The following GRID2 variants were observed in gnomAD, a reference collection of about 807,000 sequenced individuals.
GRID2 encodes the protein glutamate receptor ionotropic, delta-2.
In GRID2, 33 loss-of-function variants were observed where a neutral mutation model predicts 114.8. The observed-to-expected ratio is 0.29, with a 90% confidence interval of 0.22 to 0.38. The LOEUF (loss-of-function observed/expected upper bound fraction) is 0.38. Ranked by LOEUF, GRID2 falls within the 10% of genes least tolerant of loss-of-function variation. The pLI, the probability that GRID2 is intolerant of heterozygous loss-of-function variation, is 1.00. For missense variants in GRID2, 1,184 were observed against 1,257.7 expected, an observed-to-expected ratio of 0.94 and a Z score of 0.89; for synonymous variants, 505 against 449.9, an observed-to-expected ratio of 1.12 and a Z score of -1.55.
chr4:92,451,823 A>C (rs931487314), intron 1 of GRID2, among the ~76,000 whole-genome samples: 3 of 152,194 alleles, frequency 2.0e-5, no homozygotes, highest in Non-Finnish European at 4.4e-5. Context: ...CAAATATCAA[A>C]AGAGCCTAAG....
chr4:93,235,403 T>A (rs969915981), intron 7 of GRID2, among the ~76,000 whole-genome samples: 1 of 152,124 alleles, frequency 6.6e-6, no homozygotes, highest in Non-Finnish European at 1.5e-5. Flanking sequence ...AATACCACCA[T>A]GCATGCACAA....
chr4:93,765,430 C>T (rs1733567517), intron 14 of GRID2, among the ~76,000 whole-genome samples: 1 of 151,958 alleles, frequency 6.6e-6, no homozygotes, highest in Non-Finnish European at 1.5e-5. Flanking sequence ...ATAAAATAAA[C>T]AATACAAAGA....
At chr4:92,691,405 G>A (rs1458465898) in intron 2 of GRID2, among the ~76,000 whole-genome samples, 1 of 152,018 alleles carries the variant, frequency 6.6e-6, no homozygotes, top group African/African-American at 2.4e-5. Flanking sequence ...TGGGCAAGGG[G>A]AACCTTAGGG....
At chr4:92,486,913 G>A (rs1202525646) in intron 1 of GRID2, among the ~76,000 whole-genome samples, 1 of 151,840 alleles carries the variant, frequency 6.6e-6, no homozygotes, top group African/African-American at 2.4e-5. Flanking sequence ...TAACCCAAAG[G>A]AACGTTTAAT....
intron 2 of GRID2, among the ~76,000 whole-genome samples, chr4:92,832,506 G>C (rs955571120): frequency 1.3e-5 from 2 of 151,498 alleles, no homozygotes; most frequent in African/African-American, 4.8e-5. Context: ...CTATTCTTCT[G>C]CCTCAGCCTC....
At chr4:92,920,599 A>G (rs1012468664) in intron 2 of GRID2, among the ~76,000 whole-genome samples, 9 of 152,002 alleles carry the variant, frequency 5.9e-5, no homozygotes, top group South Asian at 2.1e-4. Flanking sequence ...TTTCTTCTTC[A>G]CTTATGAGGC....
At chr4:92,969,429 T>G (rs1025889427) in intron 2 of GRID2, among the ~76,000 whole-genome samples, 1 of 151,704 alleles carries the variant, frequency 6.6e-6, no homozygotes, top group East Asian at 1.9e-4. Context: ...AATTTTACAA[T>G]TAAGAGAATG....
intron 2 of GRID2, among the ~76,000 whole-genome samples, chr4:92,944,393 C>G (rs1337239255): frequency 6.6e-6 from 1 of 152,230 alleles, no homozygotes; most frequent in African/African-American, 2.4e-5. Flanking sequence ...ATATAATCTC[C>G]TGGTGTCCTG....
chr4:93,611,993 G>A (rs905284292), intron 13 of GRID2, among the ~76,000 whole-genome samples: 4 of 150,014 alleles, frequency 2.7e-5, no homozygotes, highest in African/African-American at 4.9e-5. Flanking sequence ...ATGAATCTGG[G>A]TGCTCCTGTA....
At chr4:92,836,768 A>AT (rs1742490037) in intron 2 of GRID2, among the ~76,000 whole-genome samples, 2 of 152,122 alleles carry the variant, frequency 1.3e-5, no homozygotes, top group African/African-American at 2.4e-5. Context: ...GACCATATAA[A>AT]TGCACTTAAT....
chr4:93,051,147 T>C (rs1726672132), intron 2 of GRID2, among the ~76,000 whole-genome samples: 2 of 152,038 alleles, frequency 1.3e-5, no homozygotes, highest in African/African-American at 4.8e-5. Flanking sequence ...AGTAATAGTA[T>C]GATCGGAGCC....
At chr4:93,106,889 G>T (rs1306843880) in intron 3 of GRID2, among the ~76,000 whole-genome samples, 1 of 152,120 alleles carries the variant, frequency 6.6e-6, no homozygotes, top group African/African-American at 2.4e-5. Context: ...AAATAGTCAT[G>T]TTCTTTACTA....
chr4:93,303,472 C>T (rs1412112932), intron 8 of GRID2, among the ~76,000 whole-genome samples: 1 of 152,124 alleles, frequency 6.6e-6, no homozygotes, highest in Admixed American at 6.6e-5. Context: ...GTAGGATGGG[C>T]TGATATGCCA....
intron 8 of GRID2, among the ~76,000 whole-genome samples, chr4:93,310,169 G>A (rs1343109986): frequency 6.6e-6 from 1 of 152,154 alleles, no homozygotes. Context: ...AAATAGATAA[G>A]TAAAGACCTA....
At chr4:92,894,993 T>C (rs1747055714) in intron 2 of GRID2, among the ~76,000 whole-genome samples, 1 of 152,074 alleles carries the variant, frequency 6.6e-6, no homozygotes, top group Admixed American at 6.5e-5. Context: ...CTAACTGGCC[T>C]GAACCCAGTT....
intron 1 of GRID2, among the ~76,000 whole-genome samples, chr4:92,435,664 A>G (rs1164289087): frequency 6.6e-6 from 1 of 152,204 alleles, no homozygotes; most frequent in Non-Finnish European, 1.5e-5. Flanking sequence ...GAGCTTTCAT[A>G]TAAAATGTAC....
chr4:92,533,831 A>C (rs537048756), intron 1 of GRID2, among the ~76,000 whole-genome samples: 2 of 152,204 alleles, frequency 1.3e-5, no homozygotes, highest in South Asian at 4.1e-4. Flanking sequence ...GTAACACCAC[A>C]ATCAGCAGAC....
At chr4:92,710,660 TCCTTGATACAC>T (rs1422520047) in intron 2 of GRID2, among the ~76,000 whole-genome samples, 1 of 152,196 alleles carries the variant, frequency 6.6e-6, no homozygotes, top group Non-Finnish European at 1.5e-5. Context: ...ACTCTTTATT[TCCTTGATACAC>T]CCTTGATATC....
At chr4:92,304,948 G>A (rs924944951) in intron 1 of GRID2, among the ~76,000 whole-genome samples, 1 of 152,126 alleles carries the variant, frequency 6.6e-6, no homozygotes, top group Non-Finnish European at 1.5e-5. Flanking sequence ...TTGTGCTGTT[G>A]TTTTGCAGTG....
Sources: gnomAD v4.1 joint callset for allele counts (sites outside exome capture counted in the v4.1 genomes callset) on GRCh38, gnomAD v4.1.1 for gene constraint, MANE v1.5 for transcripts, NCBI Gene and HGNC (gene_info 2026-07-23, HGNC 2026-07-21) for gene names.